SUSD4: variants seen among roughly 807,000 people sequenced by gnomAD.
SUSD4 encodes the protein sushi domain-containing protein 4.
A neutral mutation model predicts 50.5 loss-of-function variants in SUSD4; 41 were observed. That is an observed-to-expected ratio of 0.81 (90% CI 0.63 to 1.05). SUSD4 has a LOEUF of 1.05. Ranked by LOEUF, SUSD4 falls within the 50% of genes least tolerant of loss-of-function variation. The probability of loss-of-function intolerance (pLI) is 0.00; values close to 1 mark genes in which losing one functional copy is unlikely to be tolerated. For missense variants in SUSD4, 580 were observed against 634.7 expected, an observed-to-expected ratio of 0.91 and a Z score of 0.93; for synonymous variants, 257 against 257.3, an observed-to-expected ratio of 1.00 and a Z score of 0.01.
chr1:223,363,595 C>T (rs1289547755), intron 1 of SUSD4, 135 bp from the exon 2 acceptor site: 2 of 1,072,110 alleles, frequency 1.9e-6, no homozygotes, highest in South Asian at 2.1e-5. Context: ...GCGGCCCCCG[C>T]CCCCTTTCCC....
intron 2 of SUSD4, among the ~76,000 whole-genome samples, chr1:223,293,745 G>A (rs1664648456): frequency 6.6e-6 from 1 of 152,180 alleles, no homozygotes; most frequent in Admixed American, 6.5e-5. Context: ...TGGGATGAAT[G>A]CGGACAAGCA....
At chr1:223,318,282 A>C (rs1666347506) in intron 2 of SUSD4, among the ~76,000 whole-genome samples, 1 of 8,760 alleles carries the variant, frequency 1.1e-4, no homozygotes, top group Non-Finnish European at 2.4e-4. Flanking sequence ...GTTGGTTCCA[A>C]GTCTTTGCTA....
chr1:223,292,776 C>T lies in SUSD4; in HGVS notation c.149-125G>A, dbSNP rs575013230. 259 of 956,664 alleles carry T rather than the reference C, an allele frequency of 2.7e-4. 3 individuals are homozygous for T. The South Asian group carries it at 4.2e-3, about 15-fold the overall frequency. 59.3% of individuals were successfully genotyped at this position (956,664 alleles called of 1,614,324 possible). ...TTGGACACTCCAGTTACCCCACCAC[C>T]AAAGCCAAGGACATTTTAGTGCACA... On this transcript the variant is annotated intron_variant, in intron 2 of 8. Coordinates refer to ENST00000366878, the MANE Select transcript of SUSD4 (RefSeq NM_017982.4).
At chr1:223,341,012 CAT>C (rs968713956) in intron 2 of SUSD4, among the ~76,000 whole-genome samples, 46 of 152,338 alleles carry the variant, frequency 3.0e-4, no homozygotes, top group Non-Finnish European at 5.0e-4. Context: ...CTAAAATACA[CAT>C]GTTTGATATG....
chr1:223,286,667 A>G (rs989640400), intron 3 of SUSD4, among the ~76,000 whole-genome samples: 5 of 152,232 alleles, frequency 3.3e-5, no homozygotes, highest in Non-Finnish European at 7.3e-5. Context: ...AAGACAGGCA[A>G]GGAAAATGGA....
chr1:223,257,394 G>A (rs1046178313), intron 5 of SUSD4, among the ~76,000 whole-genome samples: 2 of 152,170 alleles, frequency 1.3e-5, no homozygotes, highest in African/African-American at 4.8e-5. Flanking sequence ...GGAAGGGAGT[G>A]AAGATCAAGT....
intron 2 of SUSD4, among the ~76,000 whole-genome samples, chr1:223,296,446 G>A (rs923659285): frequency 8.5e-5 from 13 of 152,304 alleles, no homozygotes; most frequent in African/African-American, 3.1e-4. Context: ...GCCAGGTATA[G>A]ATGTCTAGCC....
At chr1:223,334,291 A>T (rs1430526212) in intron 2 of SUSD4, among the ~76,000 whole-genome samples, 1 of 152,110 alleles carries the variant, frequency 6.6e-6, no homozygotes, top group Non-Finnish European at 1.5e-5. Flanking sequence ...AAAGTTATGG[A>T]AATCCCTCAG....
chr1:223,324,755 CTT>C (rs1228381506), intron 2 of SUSD4, among the ~76,000 whole-genome samples: 1 of 151,550 alleles, frequency 6.6e-6, no homozygotes, highest in Non-Finnish European at 1.5e-5. Context: ...CACAACAGCA[CTT>C]GGGAGGGTAA....
chr1:223,328,032 T>C (rs1666974587), intron 2 of SUSD4, among the ~76,000 whole-genome samples: 2 of 151,700 alleles, frequency 1.3e-5, no homozygotes, highest in Admixed American at 6.6e-5. Flanking sequence ...TCTTCCATAC[T>C]CAAGAGTGGA....
At position 223,264,775 on chromosome 1, in the gene SUSD4, G is replaced by T; in HGVS notation, c.579C>A (p.Ile193=). Residue 193 remains isoleucine, a synonymous_variant, in exon 5 of 9, where the codon ATC becomes ATA. Transcript: ENST00000366878. ...CCGGGAAGGAGGTCTGGAGCTCAGA[G>T]ATGTTTACATAGCCATTAGAAGAGG... The part of the protein sequence containing the change: ...PLASSNGYVN[I]SELQTSFPVG... The T allele has an allele frequency of 6.2e-7, 1 of 1,614,204 alleles. No homozygotes were observed. Among genetic ancestry groups the T allele is most frequent in the Non-Finnish European group, 8.5e-7 (1 of 1,180,040 alleles).
intron 4 of SUSD4, among the ~76,000 whole-genome samples, chr1:223,266,008 T>C (rs893684287): frequency 1.3e-5 from 2 of 152,176 alleles, no homozygotes; most frequent in African/African-American, 2.4e-5. Context: ...TCTCAGCAAA[T>C]TGCTTTGGTT....
At chr1:223,333,602 G>C (rs1667297603) in intron 2 of SUSD4, among the ~76,000 whole-genome samples, 1 of 152,182 alleles carries the variant, frequency 6.6e-6, no homozygotes, top group Non-Finnish European at 1.5e-5. Context: ...TTTAGAAAAT[G>C]GGAAGTAGAT....
chr1:223,354,510 A>G (rs1181865246), intron 2 of SUSD4, among the ~76,000 whole-genome samples: 2 of 152,216 alleles, frequency 1.3e-5, no homozygotes, highest in Middle Eastern at 3.2e-3. Context: ...GGAACTGTAC[A>G]TTTCCAAAAT....
intron 2 of SUSD4, among the ~76,000 whole-genome samples, chr1:223,328,579 C>T (rs768018670): frequency 1.3e-5 from 2 of 152,216 alleles, no homozygotes; most frequent in Non-Finnish European, 2.9e-5. Flanking sequence ...CACAGTATTA[C>T]CATCCAGGTG....
intron 3 of SUSD4, among the ~76,000 whole-genome samples, chr1:223,287,140 A>T (rs1168876789): frequency 1.3e-5 from 2 of 152,206 alleles, no homozygotes; most frequent in Non-Finnish European, 2.9e-5. Context: ...CAGTGGCACG[A>T]TATCGGTTCA....
At chr1:223,321,850 T>C (rs1666591292) in intron 2 of SUSD4, among the ~76,000 whole-genome samples, 4 of 152,270 alleles carry the variant, frequency 2.6e-5, no homozygotes, top group Non-Finnish European at 2.9e-5. Context: ...TGCTTCTTTA[T>C]TAAAACATCA....
At chr1:223,356,166 T>C (rs1668654942) in intron 2 of SUSD4, among the ~76,000 whole-genome samples, 1 of 147,020 alleles carries the variant, frequency 6.8e-6, no homozygotes, top group Admixed American at 6.9e-5. Flanking sequence ...TTATTTCTAT[T>C]TTTTTTTTTT....
In SUSD4 at chr1:223,320,876, T is replaced by G. The variant is rs1319600754; in HGVS notation, c.149-28225A>C. On this transcript the variant is annotated intron_variant, in intron 2 of 8. Coordinates refer to ENST00000366878, the MANE Select transcript of SUSD4 (RefSeq NM_017982.4). ...AATTTGTCCCAATCCTTTTTGAAAC[T>G]AGTTAAATTGCACCTGGCCTTCTGT... Among the ~76,000 whole-genome samples, 5 of 152,238 alleles carry G rather than the reference T, an allele frequency of 3.3e-5. No individual in the cohort carries two copies. The South Asian group carries it at 6.2e-4, about 19-fold the overall frequency.
Sources: gnomAD v4.1 joint callset for allele counts (sites outside exome capture counted in the v4.1 genomes callset) on GRCh38, gnomAD v4.1.1 for gene constraint, MANE v1.5 for transcripts, NCBI Gene and HGNC (gene_info 2026-07-23, HGNC 2026-07-21) for gene names.